PDE4B: variants seen among roughly 807,000 people sequenced by gnomAD.
The protein encoded by PDE4B is phosphodiesterase 4B.
PDE4B carries 20 observed loss-of-function variants against 82.2 expected under a neutral mutation model. The ratio of observed to expected loss-of-function variants is 0.24; its 90% CI spans 0.17 to 0.35. The LOEUF (loss-of-function observed/expected upper bound fraction) is 0.35, where lower values mean the gene tolerates loss of function less well. Among genes scored for constraint, PDE4B ranks in the 10% least tolerant of loss-of-function variants. The probability of loss-of-function intolerance (pLI) is 1.00; values close to 1 mark genes in which losing one functional copy is unlikely to be tolerated. For synonymous variants in PDE4B, 320 were observed against 318.9 expected (o/e 1.00, Z -0.04); for missense variants, 655 against 907.2 (o/e 0.72, Z 3.57).
chr1:65,939,125 T>C (rs1248486469), intron 3 of PDE4B, among the ~76,000 whole-genome samples: 4 of 152,130 alleles, frequency 2.6e-5, no homozygotes, highest in African/African-American at 7.2e-5. Flanking sequence ...TTCTGTTTTT[T>C]ATGATGTTTT....
chr1:66,236,621 A>G (rs963325592), intron 3 of PDE4B, among the ~76,000 whole-genome samples: 4 of 152,044 alleles, frequency 2.6e-5, no homozygotes, highest in African/African-American at 9.7e-5. Context: ...TTTGTTTTTG[A>G]TACAAAACTT....
chr1:65,952,153 T>A (rs1424304132), intron 3 of PDE4B, among the ~76,000 whole-genome samples: 1 of 152,128 alleles, frequency 6.6e-6, no homozygotes, highest in Non-Finnish European at 1.5e-5. Context: ...GCAGTTCATG[T>A]TTCAGTAAGC....
intron 1 of PDE4B, among the ~76,000 whole-genome samples, chr1:65,813,888 T>C (rs1173689118): frequency 2.2e-5 from 2 of 92,982 alleles, no homozygotes; most frequent in African/African-American, 8.4e-5. Context: ...CAGTAGGCAC[T>C]GCGGCAAAAA....
chr1:65,967,303 A>G (rs1474596369), intron 3 of PDE4B, among the ~76,000 whole-genome samples: 1 of 152,238 alleles, frequency 6.6e-6, no homozygotes, highest in Non-Finnish European at 1.5e-5. Context: ...ATCACTGGTC[A>G]TTAGAGCAAT....
chr1:66,288,161 C>G (rs1355919426), intron 7 of PDE4B, among the ~76,000 whole-genome samples: 1 of 151,822 alleles, frequency 6.6e-6, no homozygotes, highest in Non-Finnish European at 1.5e-5. Flanking sequence ...ACAGTCATGG[C>G]AGAAGGTGAA....
At chr1:66,357,645 G>A in intron 9 of PDE4B, among the ~76,000 whole-genome samples, 1 of 151,996 alleles carries the variant, frequency 6.6e-6, no homozygotes, top group East Asian at 1.9e-4. Flanking sequence ...TAAGAGGGTG[G>A]TGTGTGTCAG....
At chr1:66,012,369 G>T (rs540834470) in intron 3 of PDE4B, among the ~76,000 whole-genome samples, 1 of 152,102 alleles carries the variant, frequency 6.6e-6, no homozygotes, top group African/African-American at 2.4e-5. Context: ...TACTCAGAGA[G>T]CATCATTATA....
chr1:65,986,461 C>A (rs1218372223), intron 3 of PDE4B, among the ~76,000 whole-genome samples: 1 of 152,164 alleles, frequency 6.6e-6, no homozygotes, highest in Non-Finnish European at 1.5e-5. Flanking sequence ...AGAAATAACA[C>A]TTCAGACAGT....
intron 3 of PDE4B, among the ~76,000 whole-genome samples, chr1:66,211,301 T>A (rs2101575961): frequency 6.6e-6 from 1 of 152,322 alleles, no homozygotes; most frequent in East Asian, 1.9e-4. Context: ...TCCAAGTCTC[T>A]TCTCTCTCCT....
At chr1:66,190,824 C>T (rs530939728) in intron 3 of PDE4B, among the ~76,000 whole-genome samples, 11 of 152,118 alleles carry the variant, frequency 7.2e-5, no homozygotes, top group East Asian at 1.9e-4. Context: ...GGCTCATACT[C>T]GGTGTGCTGC....
At chr1:66,077,406 C>G (rs1656492039) in intron 3 of PDE4B, among the ~76,000 whole-genome samples, 1 of 152,052 alleles carries the variant, frequency 6.6e-6, no homozygotes, top group Admixed American at 6.6e-5. Flanking sequence ...ATTTTATTGC[C>G]ATTATTGCAA....
At chr1:66,015,852 G>T (rs1652746081) in intron 3 of PDE4B, among the ~76,000 whole-genome samples, 1 of 152,146 alleles carries the variant, frequency 6.6e-6, no homozygotes, top group African/African-American at 2.4e-5. Context: ...TAAAGCATTG[G>T]TTTTGTATTG....
intron 3 of PDE4B, among the ~76,000 whole-genome samples, chr1:66,141,172 C>T (rs928000517): frequency 6.6e-6 from 1 of 151,582 alleles, no homozygotes; most frequent in Admixed American, 6.6e-5. Context: ...TGAGCTCTTA[C>T]TGTGCTCCCT....
Position 65,880,579 on chromosome 1 carries a change from C to T in PDE4B, c.-70-32666C>T, listed in dbSNP as rs566136623. Among the ~76,000 whole-genome samples, 15 of 152,246 alleles carry T rather than the reference C, an allele frequency of 9.9e-5. No individual in the cohort carries two copies. In the East Asian group the frequency reaches 2.7e-3, roughly 27 times the overall value. Reference sequence around the variant, plus strand: ...GATTAATGCCTTCATAAAAGTGACCCCAGAGGGACCCCTCGCCCCTTCTGC... The same window carrying T: ...GATTAATGCCTTCATAAAAGTGACCTCAGAGGGACCCCTCGCCCCTTCTGC... On this transcript the variant is annotated intron_variant, in intron 1 of 16. Transcript: ENST00000341517.
chr1:66,041,906 A>C (rs1228887428), intron 3 of PDE4B, among the ~76,000 whole-genome samples: 1 of 151,772 alleles, frequency 6.6e-6, no homozygotes, highest in Non-Finnish European at 1.5e-5. Context: ...CAGTAGGTTC[A>C]AAGAATAAAT....
chr1:66,283,764 A>G (rs911205433), intron 7 of PDE4B, among the ~76,000 whole-genome samples: 2 of 152,166 alleles, frequency 1.3e-5, no homozygotes, highest in Non-Finnish European at 2.9e-5. Context: ...CAACACACCA[A>G]AAAGAAGATT....
At chr1:65,839,894 TAA>T (rs1646187206) in intron 1 of PDE4B, among the ~76,000 whole-genome samples, 1 of 152,192 alleles carries the variant, frequency 6.6e-6, no homozygotes, top group Admixed American at 6.5e-5. Flanking sequence ...TCCAACAGTG[TAA>T]AAGTGTTCCT....
At chr1:65,816,190 AGTGTGTGTGT>A (rs139330007) in intron 1 of PDE4B, among the ~76,000 whole-genome samples, 7 of 132,792 alleles carry the variant, frequency 5.3e-5, no homozygotes, top group East Asian at 2.1e-4. Flanking sequence ...TTATTAATGC[AGTGTGTGTGT>A]GTGTGTGTGT....
At chr1:66,291,728 A>G (rs1256200907) in intron 7 of PDE4B, among the ~76,000 whole-genome samples, 1 of 152,176 alleles carries the variant, frequency 6.6e-6, no homozygotes, top group African/African-American at 2.4e-5. Flanking sequence ...ATGGGCTCCA[A>G]GGACTGGCAA....
Sources: gnomAD v4.1 joint callset for allele counts (sites outside exome capture counted in the v4.1 genomes callset) on GRCh38, gnomAD v4.1.1 for gene constraint, MANE v1.5 for transcripts, NCBI Gene and HGNC (gene_info 2026-07-23, HGNC 2026-07-21) for gene names.